PCDH15: variants seen among roughly 807,000 people sequenced by gnomAD.
PCDH15 encodes the protein protocadherin-15.
Under a neutral mutation model 178.5 loss-of-function variants are expected in PCDH15, and 129 were observed. The ratio of observed to expected loss-of-function variants is 0.72; its 90% CI spans 0.63 to 0.84. The LOEUF (loss-of-function observed/expected upper bound fraction) is 0.84, where lower values mean the gene tolerates loss of function less well. PCDH15 is among the 40% of genes least tolerant of loss of function. PCDH15 has a pLI of 0.00. For synonymous variants in PCDH15, 800 were observed against 732.0 expected (o/e 1.09, Z -1.50); for missense variants, 2,230 against 2,099.9 (o/e 1.06, Z -1.21).
At chr10:54,496,863 CTTG>C (rs2080166253) in intron 3 of PCDH15, among the ~76,000 whole-genome samples, 1 of 152,144 alleles carries the variant, frequency 6.6e-6, no homozygotes, top group Admixed American at 6.6e-5. Context: ...TACGACCACC[CTTG>C]TTGTATCCAT....
At chr10:55,331,089 TAAC>T (rs1291508983) in intron 2 of PCDH15, among the ~76,000 whole-genome samples, 1 of 151,910 alleles carries the variant, frequency 6.6e-6, no homozygotes, top group Non-Finnish European at 1.5e-5. Flanking sequence ...GAAATGATGC[TAAC>T]AACAATGGTA....
At chr10:54,959,422 G>A (rs1195145986) in intron 2 of PCDH15, among the ~76,000 whole-genome samples, 1 of 151,938 alleles carries the variant, frequency 6.6e-6, no homozygotes, top group Admixed American at 6.6e-5. Flanking sequence ...ATTGGTACAA[G>A]TAAGAATCAC....
chr10:55,358,325 G>A (rs1237730376), intron 2 of PCDH15, among the ~76,000 whole-genome samples: 2 of 152,102 alleles, frequency 1.3e-5, no homozygotes, highest in African/African-American at 4.8e-5. Flanking sequence ...TGGTAGAAAT[G>A]TTAGTTATGT....
rs372857008 is a variant in PCDH15, at chr10:55,138,796, C to T, written c.-80+27780G>A. Among the ~76,000 whole-genome samples, 65 of 152,140 alleles carry T rather than the reference C, an allele frequency of 4.3e-4. No individual in the cohort carries two copies. In the East Asian group the frequency reaches 7.3e-3, roughly 17 times the overall value. ...CCCTCCTCCCTATACCATCAACCTG[C>T]GGTCAATAATTTCTCCAGTTTCTGT... On this transcript the variant is annotated intron_variant, in intron 2 of 5. Transcript: ENST00000458638.
intron 15 of PCDH15, among the ~76,000 whole-genome samples, chr10:54,104,069 G>A (rs1053026278): frequency 6.6e-6 from 1 of 152,132 alleles, no homozygotes; most frequent in Non-Finnish European, 1.5e-5. Context: ...GTTGGGGCTG[G>A]CTCCTGAGGA....
At chr10:53,917,278 T>C (rs1472805492) in intron 25 of PCDH15, among the ~76,000 whole-genome samples, 2 of 152,122 alleles carry the variant, frequency 1.3e-5, no homozygotes, top group Non-Finnish European at 2.9e-5. Flanking sequence ...ACAAGCCGAA[T>C]AGGAATTATT....
chr10:54,978,360 C>T (rs575558817), intron 2 of PCDH15, among the ~76,000 whole-genome samples: 20 of 152,112 alleles, frequency 1.3e-4, no homozygotes, highest in African/African-American at 4.1e-4. Context: ...TGGTAAAAAT[C>T]GTGCATGTTA....
chr10:55,499,172 G>C (rs1038446768), intron 2 of PCDH15, among the ~76,000 whole-genome samples: 10 of 151,428 alleles, frequency 6.6e-5, no homozygotes, highest in Admixed American at 2.0e-4. Context: ...AGGGGAAATA[G>C]CTTATCCAAA....
chr10:53,888,304 A>ATATATATATATATATATATG (rs1554845195), intron 26 of PCDH15, among the ~76,000 whole-genome samples: 19 of 88,940 alleles, frequency 2.1e-4, no homozygotes, highest in African/African-American at 7.5e-4. Flanking sequence ...ATATATATAT[A>ATATATATATATATATATATG]TATATGTATA....
intron 1 of PCDH15, among the ~76,000 whole-genome samples, chr10:54,757,273 TAC>T (rs1366331987): frequency 1.3e-5 from 1 of 77,124 alleles, no homozygotes; most frequent in African/African-American, 5.7e-5. Flanking sequence ...CTCAGAATTC[TAC>T]CTTTTTTTTT....
intron 2 of PCDH15, among the ~76,000 whole-genome samples, chr10:55,007,896 C>A (rs941223691): frequency 6.6e-6 from 1 of 151,998 alleles, no homozygotes; most frequent in Non-Finnish European, 1.5e-5. Flanking sequence ...AATACAAAAA[C>A]CTGCATACTA....
intron 2 of PCDH15, among the ~76,000 whole-genome samples, chr10:55,418,259 G>A (rs1432794543): frequency 6.6e-6 from 1 of 151,656 alleles, no homozygotes; most frequent in Non-Finnish European, 1.5e-5. Flanking sequence ...TTTTAGTGCA[G>A]AATGTAACTG....
At chr10:54,854,635 T>C (rs1221110382) in intron 3 of PCDH15, among the ~76,000 whole-genome samples, 1 of 152,138 alleles carries the variant, frequency 6.6e-6, no homozygotes, top group Non-Finnish European at 1.5e-5. Flanking sequence ...TCTGCTGCTC[T>C]CTGCAGAGAG....
chr10:54,467,817 G>T (rs2077632494), intron 3 of PCDH15, among the ~76,000 whole-genome samples: 1 of 151,556 alleles, frequency 6.6e-6, no homozygotes. Flanking sequence ...TTTGTTGGGA[G>T]ACTTTTTATT....
intron 2 of PCDH15, among the ~76,000 whole-genome samples, chr10:55,009,987 A>G (rs2131941584): frequency 6.6e-6 from 1 of 152,266 alleles, no homozygotes; most frequent in South Asian, 2.1e-4. Context: ...TGTCTTAATC[A>G]GTCTCTCACT....
At chr10:55,586,812 C>CA (rs1181144004) in intron 2 of PCDH15, among the ~76,000 whole-genome samples, 2 of 151,880 alleles carry the variant, frequency 1.3e-5, no homozygotes, top group Admixed American at 6.6e-5. Flanking sequence ...GTACTTTGGT[C>CA]AAAAAAATTA....
chr10:54,586,188 A>C (rs2091452879), intron 2 of PCDH15, among the ~76,000 whole-genome samples: 2 of 152,282 alleles, frequency 1.3e-5, no homozygotes, highest in East Asian at 1.9e-4. Flanking sequence ...AAGTGGAGTA[A>C]ATTTTTAAAT....
At chr10:55,156,626 A>G (rs190810252) in intron 2 of PCDH15, among the ~76,000 whole-genome samples, 4 of 152,306 alleles carry the variant, frequency 2.6e-5, no homozygotes, top group African/African-American at 7.2e-5. Flanking sequence ...TTAGAGAAGT[A>G]GAATAGGTTT....
At chr10:54,192,136 AAGAG>A (rs1297302772) in intron 11 of PCDH15, among the ~76,000 whole-genome samples, 1 of 129,134 alleles carries the variant, frequency 7.7e-6, no homozygotes, top group African/African-American at 2.8e-5. Context: ...AAGAAAGAGA[AAGAG>A]AAAGAAAGAA....
Sources: allele counts gnomAD v4.1 joint callset (sites outside exome capture counted in the v4.1 genomes callset), GRCh38; gene constraint gnomAD v4.1.1; transcripts MANE v1.5; gene names NCBI Gene and HGNC (gene_info 2026-07-23, HGNC 2026-07-21).